Variants in DCLK1 observed in about 807,000 individuals in gnomAD.
The protein encoded by DCLK1 is doublecortin like kinase 1, also known as serine/threonine-protein kinase DCLK1.
In DCLK1, 16 loss-of-function variants were observed where a neutral mutation model predicts 86.2. That is an observed-to-expected ratio of 0.19 (90% CI 0.13 to 0.28). The LOEUF (loss-of-function observed/expected upper bound fraction) is 0.28. DCLK1 is among the 10% of genes least tolerant of loss of function. The pLI is 1.00. For synonymous variants in DCLK1, 369 were observed against 370.5 expected (o/e 1.00, Z 0.05); for missense variants, 590 against 940.2 (o/e 0.63, Z 4.87).
chr13:35,876,376 T>C (rs1360855126), intron 4 of DCLK1, among the ~76,000 whole-genome samples: 1 of 152,228 alleles, frequency 6.6e-6, no homozygotes, highest in Non-Finnish European at 1.5e-5. Context: ...AGATTTATAG[T>C]AACTACGTTT....
At chr13:36,035,481 A>G (rs1566654736) in intron 3 of DCLK1, among the ~76,000 whole-genome samples, 1 of 152,198 alleles carries the variant, frequency 6.6e-6, no homozygotes, top group Non-Finnish European at 1.5e-5. Context: ...TTGGGGGGAA[A>G]GGGTCCAAAT....
chr13:35,939,305 T>G (rs1008958006), intron 4 of DCLK1, among the ~76,000 whole-genome samples: 1 of 152,224 alleles, frequency 6.6e-6, no homozygotes, highest in Admixed American at 6.5e-5. Context: ...CAATCGGGAA[T>G]GATCATACCA....
intron 3 of DCLK1, among the ~76,000 whole-genome samples, chr13:36,092,518 ACT>A (rs1566678022): frequency 8.2e-6 from 1 of 121,634 alleles, no homozygotes; most frequent in African/African-American, 3.2e-5. Flanking sequence ...ACAGAGTCTC[ACT>A]CTGTCGCCCA....
In DCLK1 at chr13:35,899,025, G is replaced by C. The variant is rs142216361; in HGVS notation, c.824-27685C>G. On this transcript the variant is annotated intron_variant, in intron 4 of 16. Transcript: ENST00000360631. ...CAAAGTGCTGGAATTACAGGCGTGAGCCACCACCCTTAGCATGTGTTTTGA... is the reference window on the plus strand; with the variant it reads ...CAAAGTGCTGGAATTACAGGCGTGACCCACCACCCTTAGCATGTGTTTTGA... 1.7e-3 allele frequency among the ~76,000 whole-genome samples: 252 copies of C among 152,268 alleles called. 2 individuals are homozygous for C. The highest frequency in any genetic ancestry group is 6.0e-3 in the African/African-American group (249 of 41,560).
At chr13:35,965,917 C>A (rs1380221827) in intron 3 of DCLK1, among the ~76,000 whole-genome samples, 1 of 152,090 alleles carries the variant, frequency 6.6e-6, no homozygotes, top group Non-Finnish European at 1.5e-5. Flanking sequence ...AGAGGAGGGC[C>A]ACAGGGAGAG....
intron 3 of DCLK1, among the ~76,000 whole-genome samples, chr13:36,088,791 T>C (rs1010480356): frequency 7.2e-5 from 11 of 152,304 alleles, no homozygotes; most frequent in East Asian, 3.9e-4. Flanking sequence ...CTACTGCAAA[T>C]AGTCCCCATG....
At chr13:36,131,406 C>A, upstream of DCLK1, 1 of 194,232 alleles carries the variant, frequency 5.1e-6, no homozygotes, top group Non-Finnish European at 1.0e-5. Context: ...GGCGCGCTCC[C>A]TTTTCTTGTC....
At position 36,035,065 on chromosome 13, in the gene DCLK1, A is replaced by G. The variant is rs148161572; in HGVS notation, c.723+76804T>C. 2.6e-4 allele frequency among the ~76,000 whole-genome samples: 39 copies of G among 152,214 alleles called. No individual in the cohort carries two copies. The East Asian group carries it at 7.6e-3, about 29-fold the overall frequency. ...AACACCAGCCAAATATCAAGGGGGT[A>G]GCACAAGACCCTCCCACCTCCAGTC... On this transcript the variant is annotated intron_variant, in intron 3 of 16. Transcript: ENST00000360631.
intron 11 of DCLK1, among the ~76,000 whole-genome samples, chr13:35,814,359 T>C (rs1395256653): frequency 6.6e-6 from 1 of 152,218 alleles, no homozygotes; most frequent in Admixed American, 6.5e-5. Flanking sequence ...AAATTTTTAA[T>C]TAAAAGTTAG....
At position 35,769,127 on chromosome 13, in the gene DCLK1, C is replaced by T. The variant is rs549777033; in HGVS notation, c.*5408G>A. ...ATTAACCTACATGTATCAGCTTAAA[C>T]TGAAGGATTAGGGGGAAAAATTGGA... On this transcript the variant is annotated 3_prime_UTR_variant, in exon 17 of 17. Transcript: ENST00000360631. 1 of 152,222 alleles carries T rather than the reference C, an allele frequency of 6.6e-6. No individual in the cohort carries two copies. Among genetic ancestry groups the T allele is most frequent in the African/African-American group, 2.4e-5 (1 of 41,514 alleles). 9.4% of individuals were successfully genotyped at this position (152,222 alleles called of 1,614,324 possible).
At chr13:35,837,083 C>T (rs753367649) in intron 7 of DCLK1, among the ~76,000 whole-genome samples, 11 of 152,190 alleles carry the variant, frequency 7.2e-5, no homozygotes, top group Non-Finnish European at 1.5e-4. Flanking sequence ...TCCGACCTTT[C>T]GTCATAAACT....
intron 6 of DCLK1, chr13:35,847,045 AG>A: frequency 1.0e-6 from 1 of 985,272 alleles, no homozygotes; most frequent in South Asian, 4.7e-5. Flanking sequence ...TTTAGAGTAT[AG>A]TGATTGGCAA....
At chr13:35,801,312 A>G (rs578071668) in intron 15 of DCLK1, among the ~76,000 whole-genome samples, 1 of 152,308 alleles carries the variant, frequency 6.6e-6, no homozygotes, top group African/African-American at 2.4e-5. Flanking sequence ...ACAAATGCTA[A>G]ATGCTGATTG....
At chr13:35,866,331 C>T (rs1037820470) in intron 5 of DCLK1, among the ~76,000 whole-genome samples, 1 of 152,044 alleles carries the variant, frequency 6.6e-6, no homozygotes, top group Non-Finnish European at 1.5e-5. Flanking sequence ...CAGATCTTAA[C>T]TTTATAATAC....
intron 3 of DCLK1, among the ~76,000 whole-genome samples, chr13:36,041,999 C>T (rs1287980724): frequency 1.3e-5 from 2 of 152,290 alleles, no homozygotes; most frequent in African/African-American, 4.8e-5. Context: ...CCCTTGGCTA[C>T]TCTGTTCCTC....
chr13:35,827,593 G>C (rs74044099), intron 10 of DCLK1, 42 bp downstream of exon 10: 1 of 1,610,168 alleles, frequency 6.2e-7, no homozygotes, highest in Admixed American at 1.7e-5. Flanking sequence ...AGGCAAGTGC[G>C]GTGCCATCAA....
intron 3 of DCLK1, among the ~76,000 whole-genome samples, chr13:35,957,872 C>T (rs961458991): frequency 5.4e-5 from 1 of 18,650 alleles, no homozygotes; most frequent in Non-Finnish European, 1.6e-4. Context: ...ACAACAATCC[C>T]ACAAAGCTGA....
At chr13:35,837,932 G>A (rs1304551028) in intron 7 of DCLK1, among the ~76,000 whole-genome samples, 2 of 151,980 alleles carry the variant, frequency 1.3e-5, no homozygotes, top group African/African-American at 2.4e-5. Flanking sequence ...TGGGCATGGT[G>A]GCAGACGCCT....
intron 3 of DCLK1, among the ~76,000 whole-genome samples, chr13:36,028,002 T>C (rs931102524): frequency 2.0e-5 from 3 of 152,206 alleles, no homozygotes; most frequent in African/African-American, 7.2e-5. Flanking sequence ...AGTGCTGTGA[T>C]TGCAGGAGTG....
Sources: gnomAD v4.1 joint callset for allele counts (sites outside exome capture counted in the v4.1 genomes callset) on GRCh38, gnomAD v4.1.1 for gene constraint, MANE v1.5 for transcripts, NCBI Gene and HGNC (gene_info 2026-07-23, HGNC 2026-07-21) for gene names.